Variants in FAM13A observed in about 807,000 individuals in gnomAD.
FAM13A encodes family with sequence similarity 13 member A, also known as protein FAM13A.
Under a neutral mutation model 129.6 loss-of-function variants are expected in FAM13A, and 76 were observed. The observed-to-expected ratio is 0.59, with a 90% CI of 0.49 to 0.71. The LOEUF is 0.71. Ranked by LOEUF, FAM13A falls within the 30% of genes least tolerant of loss-of-function variation. The pLI is 0.00. For missense variants in FAM13A, 1,108 were observed against 1,249.3 expected (o/e 0.89, Z 1.70); for synonymous variants, 443 against 449.9 (o/e 0.98, Z 0.20).
At chr4:88,855,800 A>C (rs1326081636) in intron 6 of FAM13A, 4 of 152,200 alleles carry the variant, frequency 2.6e-5, no homozygotes, top group Admixed American at 6.5e-5. Context: ...ATCATGCCTC[A>C]ATCTTAATTT....
At chr4:88,988,149 T>C (rs1367188340) in intron 4 of FAM13A, among the ~76,000 whole-genome samples, 2 of 152,054 alleles carry the variant, frequency 1.3e-5, no homozygotes, top group Non-Finnish European at 2.9e-5. Context: ...TTAAATTAAA[T>C]TAAATTTTTT....
At chr4:88,781,852 AGCG>A (rs1722958969) in intron 10 of FAM13A, among the ~76,000 whole-genome samples, 2 of 147,696 alleles carry the variant, frequency 1.4e-5, no homozygotes, top group South Asian at 2.1e-4. Context: ...GGGTGGGGGG[AGCG>A]GGGAGGGATA....
intron 6 of FAM13A, among the ~76,000 whole-genome samples, chr4:88,875,951 C>T (rs948673482): frequency 2.0e-5 from 3 of 152,178 alleles, no homozygotes; most frequent in Admixed American, 6.5e-5. Context: ...CCATGGAATA[C>T]TATGCAGCCA....
intron 5 of FAM13A, among the ~76,000 whole-genome samples, chr4:88,919,310 G>C (rs748158713): frequency 1.3e-5 from 2 of 152,180 alleles, no homozygotes; most frequent in Non-Finnish European, 2.9e-5. Flanking sequence ...GCACAGAATT[G>C]ATTCACCTGG....
chr4:88,840,690 G>GA (rs1311083230), intron 7 of FAM13A, among the ~76,000 whole-genome samples: 1 of 151,288 alleles, frequency 6.6e-6, no homozygotes, highest in Non-Finnish European at 1.5e-5. Context: ...ATTGCTGCTT[G>GA]AAAAAAAATA....
chr4:88,864,317 A>G (rs1172121451), intron 6 of FAM13A, among the ~76,000 whole-genome samples: 1 of 152,250 alleles, frequency 6.6e-6, no homozygotes, highest in African/African-American at 2.4e-5. Flanking sequence ...TGGAACTTCA[A>G]ATAAATTTCT....
Position 89,020,450 on chromosome 4 carries a change from T to C in FAM13A, c.427+10A>G, listed in dbSNP as rs749410321. 1.2e-6 allele frequency: 2 copies of C among 1,607,424 alleles called. No individual in the cohort carries two copies. The highest frequency in any genetic ancestry group is 1.7e-6 in the Non-Finnish European group (2 of 1,174,118). On this transcript the variant is annotated intron_variant, in intron 3 of 23. Coordinates refer to ENST00000264344, the MANE Select transcript of FAM13A (RefSeq NM_014883.4). ...TTGTTTTAACTCCTAAAAGGATTTA[T>C]TGTACTAACCCTGAAAGAGTTGAAT... is the stretch of plus-strand genomic sequence containing the variant.
At chr4:88,928,315 G>T (rs1408349883) in intron 5 of FAM13A, among the ~76,000 whole-genome samples, 1 of 152,084 alleles carries the variant, frequency 6.6e-6, no homozygotes, top group African/African-American at 2.4e-5. Context: ...TTCCATAGTT[G>T]TTGGGTAGAA....
At chr4:89,036,043 A>G (rs983621688) in intron 1 of FAM13A, among the ~76,000 whole-genome samples, 4 of 152,244 alleles carry the variant, frequency 2.6e-5, no homozygotes, top group African/African-American at 9.6e-5. Context: ...GGGCATTGCT[A>G]TAAAGATACC....
chr4:88,837,990 C>A (rs1234415298), intron 7 of FAM13A, among the ~76,000 whole-genome samples: 1 of 152,096 alleles, frequency 6.6e-6, no homozygotes, highest in South Asian at 2.1e-4. Flanking sequence ...TGAACATGCA[C>A]AGACTTTCTT....
intron 4 of FAM13A, among the ~76,000 whole-genome samples, chr4:88,976,711 A>AGG (rs1760959199): frequency 5.9e-5 from 1 of 16,834 alleles, no homozygotes; most frequent in Non-Finnish European, 1.3e-4. Flanking sequence ...ATATTTACTC[A>AGG]CCACTCACTC....
intron 4 of FAM13A, among the ~76,000 whole-genome samples, chr4:88,976,046 A>C (rs1378238500): frequency 1.3e-5 from 2 of 152,208 alleles, no homozygotes; most frequent in African/African-American, 2.4e-5. Context: ...CTCTCTTCCC[A>C]AGACAGATAT....
intron 6 of FAM13A, among the ~76,000 whole-genome samples, chr4:88,852,588 G>A (rs1737786751): frequency 6.6e-6 from 1 of 152,032 alleles, no homozygotes; most frequent in African/African-American, 2.4e-5. Flanking sequence ...AGGTCATATG[G>A]TCTCAATGGG....
At chr4:88,791,248 C>T (rs1489986408) in intron 8 of FAM13A, among the ~76,000 whole-genome samples, 1 of 152,136 alleles carries the variant, frequency 6.6e-6, no homozygotes, top group Non-Finnish European at 1.5e-5. Flanking sequence ...ATCTAATTTA[C>T]AATGTTTTTG....
intron 6 of FAM13A, among the ~76,000 whole-genome samples, chr4:88,862,441 CT>C (rs1391942825): frequency 2.6e-5 from 4 of 152,104 alleles, no homozygotes; most frequent in Non-Finnish European, 5.9e-5. Flanking sequence ...GAAGGTTGGG[CT>C]GGACTCAGAC....
At chr4:88,808,418 C>CA (rs1405594790) in intron 7 of FAM13A, among the ~76,000 whole-genome samples, 3 of 152,072 alleles carry the variant, frequency 2.0e-5, no homozygotes, top group Non-Finnish European at 4.4e-5. Context: ...CTACAGGCTC[C>CA]AAAACATCTT....
intron 5 of FAM13A, among the ~76,000 whole-genome samples, chr4:88,925,796 TGA>T (rs760210393): frequency 2.1e-4 from 32 of 150,882 alleles, no homozygotes; most frequent in South Asian, 1.5e-3. Context: ...CAATGCAACG[TGA>T]GAGGAAAAAA....
chr4:88,913,452 G>A (rs1406466235), intron 5 of FAM13A, among the ~76,000 whole-genome samples: 1 of 28,198 alleles, frequency 3.5e-5, no homozygotes, highest in Non-Finnish European at 8.6e-5. Context: ...AGAGGAGGAG[G>A]AAGAAGAAGA....
chr4:89,025,932 T>C (rs145052277), intron 2 of FAM13A, among the ~76,000 whole-genome samples: 178 of 152,354 alleles, frequency 1.2e-3, no homozygotes, highest in Non-Finnish European at 1.9e-3. Flanking sequence ...TACTCTCCTA[T>C]ATTTTTAACC....
Sources: allele counts gnomAD v4.1 joint callset (sites outside exome capture counted in the v4.1 genomes callset), GRCh38; gene constraint gnomAD v4.1.1; transcripts MANE v1.5; gene names NCBI Gene and HGNC (gene_info 2026-07-23, HGNC 2026-07-21).